The following PLCB1 variants were observed in gnomAD, a reference collection of about 807,000 sequenced individuals.
PLCB1 encodes the protein 1-phosphatidylinositol 4,5-bisphosphate phosphodiesterase beta-1.
PLCB1 carries 46 observed loss-of-function variants against 161.8 expected under a neutral mutation model. The ratio of observed to expected loss-of-function variants is 0.28; its 90% CI spans 0.22 to 0.36. PLCB1 has a LOEUF of 0.36. PLCB1 is among the 10% of genes least tolerant of loss of function. PLCB1 has a pLI of 1.00. For missense variants in PLCB1, 1,016 were observed against 1,472.5 expected (o/e 0.69, Z 5.07); for synonymous variants, 517 against 503.7 (o/e 1.03, Z -0.35).
At chr20:8,155,921 T>C (rs932595034) in intron 2 of PLCB1, among the ~76,000 whole-genome samples, 1 of 152,192 alleles carries the variant, frequency 6.6e-6, no homozygotes, top group African/African-American at 2.4e-5. Context: ...CTGGGATTGT[T>C]CCTTGGCCTG....
At chr20:8,197,874 A>G (rs1270569685) in intron 2 of PLCB1, among the ~76,000 whole-genome samples, 2 of 152,182 alleles carry the variant, frequency 1.3e-5, no homozygotes, top group African/African-American at 4.8e-5. Context: ...AGCTTTCTAC[A>G]TATGCCTAGC....
intron 2 of PLCB1, among the ~76,000 whole-genome samples, chr20:8,308,515 G>T (rs1328227647): frequency 1.3e-5 from 2 of 151,758 alleles, no homozygotes; most frequent in African/African-American, 4.8e-5. Context: ...TACTCGGGAG[G>T]CTGAGGTAGG....
intron 2 of PLCB1, among the ~76,000 whole-genome samples, chr20:8,188,463 A>G (rs1035730941): frequency 8.5e-5 from 13 of 152,186 alleles, no homozygotes; most frequent in Non-Finnish European, 1.8e-4. Context: ...GGTTACGTGC[A>G]AATGCCTTTC....
chr20:8,288,734 G>A (rs1173404129), intron 2 of PLCB1, among the ~76,000 whole-genome samples: 7 of 152,158 alleles, frequency 4.6e-5, no homozygotes, highest in African/African-American at 1.7e-4. Context: ...CAATGGCCCC[G>A]TGAAGGGAAC....
chr20:8,379,383 G>A (rs1256441916), intron 3 of PLCB1, among the ~76,000 whole-genome samples: 1 of 152,132 alleles, frequency 6.6e-6, no homozygotes. Context: ...CCCTAACTTT[G>A]CTATTGTAAG....
At chr20:8,320,788 CAGAA>C (rs1209198593) in intron 2 of PLCB1, among the ~76,000 whole-genome samples, 5 of 96,722 alleles carry the variant, frequency 5.2e-5, no homozygotes, top group Non-Finnish European at 7.5e-5. Context: ...AATATTAGGA[CAGAA>C]AGAAAGAAGA....
At chr20:8,718,315 T>A (rs1979446737) in intron 14 of PLCB1, among the ~76,000 whole-genome samples, 1 of 152,220 alleles carries the variant, frequency 6.6e-6, no homozygotes, top group Non-Finnish European at 1.5e-5. Flanking sequence ...CTCTTGCTGC[T>A]ACAAACTTAG....
chr20:8,368,890 T>C (rs1036511374), intron 2 of PLCB1, among the ~76,000 whole-genome samples: 5 of 139,338 alleles, frequency 3.6e-5, no homozygotes, highest in African/African-American at 1.3e-4. Flanking sequence ...CACACAGTTA[T>C]AAGGCTGGCA....
At chr20:8,134,092 A>T (rs2051319297) in intron 1 of PLCB1, among the ~76,000 whole-genome samples, 1 of 152,264 alleles carries the variant, frequency 6.6e-6, no homozygotes, top group Non-Finnish European at 1.5e-5. Context: ...GTAAACATAC[A>T]TCTTTTTACC....
At chr20:8,501,004 G>T (rs75722664) in intron 3 of PLCB1, among the ~76,000 whole-genome samples, 1 of 152,044 alleles carries the variant, frequency 6.6e-6, no homozygotes, top group South Asian at 2.1e-4. Context: ...TTTATAATAC[G>T]CATTTCTCAG....
intron 2 of PLCB1, among the ~76,000 whole-genome samples, chr20:8,150,623 T>C (rs1682467879): frequency 6.6e-6 from 1 of 152,176 alleles, no homozygotes; most frequent in Non-Finnish European, 1.5e-5. Flanking sequence ...TGTGTTAGGA[T>C]AAGAACAGGG....
chr20:8,788,738 C>T lies in PLCB1; in HGVS notation c.3278+16C>T. 6.6e-7 allele frequency: 1 copy of T among 1,503,790 alleles called. No individual in the cohort carries two copies. The highest frequency in any genetic ancestry group is 9.2e-7 in the Non-Finnish European group (1 of 1,086,134). The allele number at this position is 1,503,790 out of a possible 1,614,324, so 93.2% of individuals were successfully genotyped here. A position where few individuals can be genotyped will look rare whatever the true frequency, so the allele number is the denominator to read the frequency against. ...AGATGGAAGAGTAAGTCAAAAGTGT[C>T]CCCTCTCCCAAACAGTTCATCTGGG... On this transcript the variant is annotated intron_variant, in intron 29 of 31. Coordinates refer to ENST00000338037, the MANE Select transcript of PLCB1 (RefSeq NM_015192.4).
chr20:8,227,967 A>G (rs1417281629), intron 2 of PLCB1, among the ~76,000 whole-genome samples: 2 of 152,292 alleles, frequency 1.3e-5, no homozygotes, highest in African/African-American at 4.8e-5. Context: ...ATTTGAACAT[A>G]TCTAAATAAG....
chr20:8,141,256 G>T (rs1191264799), intron 1 of PLCB1, among the ~76,000 whole-genome samples: 1 of 152,180 alleles, frequency 6.6e-6, no homozygotes, highest in East Asian at 1.9e-4. Context: ...CTTTTTCATG[G>T]TGTATGTACA....
chr20:8,684,382 G>C (rs181782747), intron 9 of PLCB1, among the ~76,000 whole-genome samples: 28 of 151,912 alleles, frequency 1.8e-4, no homozygotes, highest in African/African-American at 5.8e-4. Flanking sequence ...TCAGCCTCCT[G>C]AGTAGCTGGA....
intron 3 of PLCB1, among the ~76,000 whole-genome samples, chr20:8,576,902 A>G (rs1054241986): frequency 6.6e-6 from 1 of 152,148 alleles, no homozygotes; most frequent in African/African-American, 2.4e-5. Context: ...TCTACGTGTG[A>G]TGGTGAGACC....
chr20:8,162,319 G>A (rs568849924), intron 2 of PLCB1, among the ~76,000 whole-genome samples: 2 of 152,114 alleles, frequency 1.3e-5, no homozygotes, highest in South Asian at 4.2e-4. Flanking sequence ...GAGTGAATGT[G>A]GTTTTAAGAA....
At chr20:8,179,518 G>C (rs1335921816) in intron 2 of PLCB1, among the ~76,000 whole-genome samples, 1 of 152,166 alleles carries the variant, frequency 6.6e-6, no homozygotes, top group African/African-American at 2.4e-5. Flanking sequence ...TTGTTTATTA[G>C]ATCAAGGAGC....
At chr20:8,413,839 T>C (rs758379136) in intron 3 of PLCB1, among the ~76,000 whole-genome samples, 3 of 152,218 alleles carry the variant, frequency 2.0e-5, no homozygotes, top group Admixed American at 1.3e-4. Flanking sequence ...TGGTGTCTTC[T>C]ATGGATGCGT....
Sources: gnomAD v4.1 joint callset for allele counts (sites outside exome capture counted in the v4.1 genomes callset) on GRCh38, gnomAD v4.1.1 for gene constraint, MANE v1.5 for transcripts, NCBI Gene and HGNC (gene_info 2026-07-23, HGNC 2026-07-21) for gene names.